Variants in SGK1 observed in about 807,000 individuals in gnomAD.
SGK1 encodes serum/glucocorticoid regulated kinase 1.
SGK1 carries 26 observed loss-of-function variants against 64.2 expected under a neutral mutation model. The observed-to-expected ratio is 0.40, with a 90% confidence interval of 0.30 to 0.56. The LOEUF (loss-of-function observed/expected upper bound fraction) is 0.56, where lower values mean the gene tolerates loss of function less well. SGK1 is among the 20% of genes least tolerant of loss of function. SGK1 has a pLI of 0.38. For missense variants in SGK1, 519 were observed against 645.6 expected, an observed-to-expected ratio of 0.80 and a Z score of 2.12; for synonymous variants, 265 against 239.7, an observed-to-expected ratio of 1.11 and a Z score of -0.98.
intron 2 of SGK1, among the ~76,000 whole-genome samples, chr6:134,246,685 C>T (rs1048150989): frequency 2.6e-5 from 4 of 151,268 alleles, no homozygotes; most frequent in South Asian, 2.1e-4. Flanking sequence ...CTCCACCTAC[C>T]GGGTTCAAGC....
intron 8 of SGK1, 33 bp from the exon 9 acceptor site, chr6:134,172,807 GC>G (rs1379085722): frequency 2.7e-6 from 4 of 1,494,864 alleles, no homozygotes; most frequent in African/African-American, 1.4e-5. Context: ...ATTCTGGGTT[GC>G]AAATGAATTT....
At chr6:134,246,684 C>T (rs1028294418) in intron 2 of SGK1, among the ~76,000 whole-genome samples, 11 of 151,302 alleles carry the variant, frequency 7.3e-5, no homozygotes, top group African/African-American at 2.7e-4. Context: ...ACTCCACCTA[C>T]CGGGTTCAAG....
At chr6:134,300,610 A>T (rs1433744646) in intron 1 of SGK1, among the ~76,000 whole-genome samples, 2 of 149,204 alleles carry the variant, frequency 1.3e-5, no homozygotes, top group Admixed American at 6.7e-5. Context: ...ATAAAGAGAA[A>T]GGAGTTAAAA....
chr6:134,202,187 A>G (rs1249675790), intron 3 of SGK1, among the ~76,000 whole-genome samples: 9 of 152,240 alleles, frequency 5.9e-5, no homozygotes, highest in Non-Finnish European at 1.2e-4. Flanking sequence ...AGAAGACAAG[A>G]ACCAATATCT....
At position 134,173,994 on chromosome 6, in the gene SGK1, C is replaced by A. The variant is rs764326764; in HGVS notation, c.513+11G>T. On this transcript the variant is annotated intron_variant, in intron 5 of 13. Coordinates refer to ENST00000367858, the MANE Select transcript of SGK1 (RefSeq NM_001143676.3). ...GTTCTCCACAGATGCACGGCACATA[C>A]AAAAACTTACTGGAGGAGAAGGGTT... The A allele has an allele frequency of 1.2e-6, 2 of 1,604,562 alleles. No homozygotes were observed. The highest frequency in any genetic ancestry group is 4.5e-5 in the East Asian group (2 of 44,808).
At chr6:134,304,519 G>A (rs1304021045) in intron 1 of SGK1, among the ~76,000 whole-genome samples, 1 of 152,146 alleles carries the variant, frequency 6.6e-6, no homozygotes, top group African/African-American at 2.4e-5. Context: ...GGGTGTGGTG[G>A]CAGACTGAGG....
chr6:134,177,592 G>T, intron 3 of SGK1: 2 of 1,199,024 alleles, frequency 1.7e-6, no homozygotes, highest in Non-Finnish European at 2.5e-6. Context: ...CCCACCTTAT[G>T]TGCCTTCCCC....
intron 2 of SGK1, among the ~76,000 whole-genome samples, chr6:134,246,801 T>C (rs6905770): frequency 0.026 from 3,914 of 151,052 alleles, 162 homozygotes; most frequent in African/African-American, 0.089. Context: ...CCATGTTGGC[T>C]AGGCTGGTCT....
In SGK1 at chr6:134,170,793, T is replaced by A. The variant is rs755709305; in HGVS notation, c.1413+33A>T. On this transcript the variant is annotated intron_variant, in intron 13 of 13. Transcript: ENST00000367858. ...GAATTAAAATAAATGCCCTTTGGGC[T>A]TCTCTATACTTAGAAGAGAGACAGA... The A allele has an allele frequency of 1.2e-5, 16 of 1,361,872 alleles. No homozygotes were observed. In the South Asian group the frequency reaches 1.9e-4, roughly 16 times the overall value. 84.4% of individuals were successfully genotyped at this position (1,361,872 alleles called of 1,614,324 possible). A position where few individuals can be genotyped will look rare whatever the true frequency, so the allele number is the denominator to read the frequency against.
intron 3 of SGK1, among the ~76,000 whole-genome samples, chr6:134,206,586 G>T (rs1372991390): frequency 6.6e-6 from 1 of 151,076 alleles, no homozygotes; most frequent in East Asian, 1.9e-4. Flanking sequence ...TGATTGCAAG[G>T]CTAGGTATGG....
intron 1 of SGK1, among the ~76,000 whole-genome samples, chr6:134,280,665 G>A (rs2114769434): frequency 6.6e-6 from 1 of 152,164 alleles, no homozygotes; most frequent in South Asian, 2.1e-4. Context: ...ACATCTTTAT[G>A]TTGCTTGTAA....
Position 134,221,408 on chromosome 6 carries a change from C to G in SGK1, c.286-13977G>C, listed in dbSNP as rs184768950. Among the ~76,000 whole-genome samples the G allele has an allele frequency of 1.1e-3, 166 of 152,244 alleles. 3 individuals carry two copies. Among genetic ancestry groups the G allele is most frequent in the Admixed American group, 9.3e-3 (142 of 15,274 alleles). ...CTTTCCTGGGGTTGTACTCACTGAG[C>G]CCTCACCCTGGAATGTTCTTTGCCT... is the stretch of plus-strand genomic sequence containing the variant. On this transcript the variant is annotated intron_variant, in intron 2 of 13. Transcript: ENST00000367858.
In SGK1 at chr6:134,308,217, C is replaced by T. The variant is rs527753410; in HGVS notation, c.69+9175G>A. 2.6e-5 allele frequency among the ~76,000 whole-genome samples: 4 copies of T among 152,212 alleles called. No individual in the cohort carries two copies. The East Asian group carries it at 5.8e-4, about 22-fold the overall frequency. On this transcript the variant is annotated intron_variant, in intron 1 of 13. Coordinates refer to ENST00000367858, the MANE Select transcript of SGK1 (RefSeq NM_001143676.3). Reference sequence around the variant, plus strand: ...AGTTCAAAGAAAATTCAGCTGCTTTCGGAAAGATCATTCTATGGGAAAGAT... The same window carrying T: ...AGTTCAAAGAAAATTCAGCTGCTTTTGGAAAGATCATTCTATGGGAAAGAT...
intron 2 of SGK1, among the ~76,000 whole-genome samples, chr6:134,221,045 T>C (rs1456198773): frequency 6.6e-6 from 1 of 150,976 alleles, no homozygotes; most frequent in Non-Finnish European, 1.5e-5. Context: ...GGCTCATGCC[T>C]GTAATCCCAG....
chr6:134,252,041 G>A (rs1053777808), intron 2 of SGK1, among the ~76,000 whole-genome samples: 7 of 152,236 alleles, frequency 4.6e-5, no homozygotes, highest in African/African-American at 1.7e-4. Flanking sequence ...ACAGGCGTGA[G>A]CCACCATGCC....
At chr6:134,277,180 G>A (rs1282436300) in intron 1 of SGK1, among the ~76,000 whole-genome samples, 1 of 151,936 alleles carries the variant, frequency 6.6e-6, no homozygotes. Flanking sequence ...AAAATTAGCT[G>A]GTGTGGTAGT....
chr6:134,269,784 C>T (rs767936330), intron 1 of SGK1, among the ~76,000 whole-genome samples: 4 of 148,208 alleles, frequency 2.7e-5, no homozygotes, highest in Non-Finnish European at 6.0e-5. Flanking sequence ...GAAGCAAATT[C>T]ATCTCACACT....
At chr6:134,309,149 C>A (rs1777576270) in intron 1 of SGK1, among the ~76,000 whole-genome samples, 1 of 152,210 alleles carries the variant, frequency 6.6e-6, no homozygotes, top group Non-Finnish European at 1.5e-5. Flanking sequence ...CCTCGAACTA[C>A]CAAATAGAAG....
chr6:134,238,613 T>C (rs1014296873), intron 2 of SGK1, among the ~76,000 whole-genome samples: 3 of 152,056 alleles, frequency 2.0e-5, no homozygotes, highest in Non-Finnish European at 4.4e-5. Context: ...GAAACTTTCA[T>C]GCATCAAAAG....
Sources: gnomAD v4.1 joint callset for allele counts (sites outside exome capture counted in the v4.1 genomes callset) on GRCh38, gnomAD v4.1.1 for gene constraint, MANE v1.5 for transcripts, NCBI Gene and HGNC (gene_info 2026-07-23, HGNC 2026-07-21) for gene names.